The following MSRA variants were observed in gnomAD, a reference collection of about 807,000 sequenced individuals.
MSRA encodes the protein methionine sulfoxide reductase A.
A neutral mutation model predicts 31.3 loss-of-function variants in MSRA; 54 were observed. The ratio of observed to expected loss-of-function variants is 1.73; its 90% confidence interval spans 1.39 to 2.17. The LOEUF (loss-of-function observed/expected upper bound fraction) is 2.17, where lower values mean the gene tolerates loss of function less well. MSRA is among the 30% of genes most tolerant of loss of function. MSRA has a pLI of 0.00. For missense variants in MSRA, 507 were observed against 300.9 expected (o/e 1.69, Z -5.07); for synonymous variants, 169 against 116.5 (o/e 1.45, Z -2.90).
chr8:10,208,307 A>T (rs1246920206), intron 2 of MSRA, among the ~76,000 whole-genome samples: 1 of 151,982 alleles, frequency 6.6e-6, no homozygotes, highest in South Asian at 2.1e-4. Flanking sequence ...TAATTGAATG[A>T]TCTCTTCCTT....
chr8:10,187,847 A>G lies in MSRA; in HGVS notation c.143-19986A>G, dbSNP rs920340692. Among the ~76,000 whole-genome samples, 3 of 152,352 alleles carry G rather than the reference A, an allele frequency of 2.0e-5. No individual in the cohort carries two copies. The East Asian group carries it at 5.8e-4, about 29-fold the overall frequency. On this transcript the variant is annotated intron_variant, in intron 1 of 5. Coordinates refer to ENST00000317173, the MANE Select transcript of MSRA (RefSeq NM_012331.5). ...GTTCTGTTGTATAACAGAAAGAACT[A>G]TCAATTATTTGATCTTACAGTCATT... is the stretch of plus-strand genomic sequence containing the variant.
intron 5 of MSRA, among the ~76,000 whole-genome samples, chr8:10,330,766 G>T (rs1802648484): frequency 6.6e-6 from 1 of 151,934 alleles, no homozygotes; most frequent in Non-Finnish European, 1.5e-5. Context: ...GCTGTGCTTG[G>T]TACCTAGTGA....
chr8:10,205,299 A>G (rs145024474), intron 1 of MSRA, among the ~76,000 whole-genome samples: 11 of 152,216 alleles, frequency 7.2e-5, no homozygotes, highest in African/African-American at 2.4e-4. Flanking sequence ...CGGTAATGAA[A>G]AAAAGAAGTG....
At chr8:10,056,903 A>G (rs776279203) in intron 1 of MSRA, among the ~76,000 whole-genome samples, 23 of 152,220 alleles carry the variant, frequency 1.5e-4, no homozygotes, top group Non-Finnish European at 2.8e-4. Context: ...TTTTGACTGC[A>G]GAAGGCCTGT....
chr8:10,105,685 C>T (rs1403296923), intron 1 of MSRA, among the ~76,000 whole-genome samples: 1 of 152,138 alleles, frequency 6.6e-6, no homozygotes, highest in Non-Finnish European at 1.5e-5. Context: ...CTTTCTCCTT[C>T]CCCTAACCAG....
chr8:10,257,577 T>G (rs760617228), intron 3 of MSRA, among the ~76,000 whole-genome samples: 2 of 152,088 alleles, frequency 1.3e-5, no homozygotes, highest in East Asian at 1.9e-4. Context: ...CAAGTAGTTT[T>G]TTGTATTTTT....
At chr8:10,281,956 C>T (rs1799646188) in intron 3 of MSRA, among the ~76,000 whole-genome samples, 1 of 152,070 alleles carries the variant, frequency 6.6e-6, no homozygotes, top group African/African-American at 2.4e-5. Flanking sequence ...GCAGGTTTTT[C>T]AGGCTGCTCT....
chr8:10,192,983 T>C (rs1436865940), intron 1 of MSRA, among the ~76,000 whole-genome samples: 1 of 152,224 alleles, frequency 6.6e-6, no homozygotes, highest in East Asian at 1.9e-4. Context: ...AGAAACCTTC[T>C]CAACAATAGT....
At chr8:10,325,890 T>G (rs765146625) in intron 5 of MSRA, among the ~76,000 whole-genome samples, 23 of 152,004 alleles carry the variant, frequency 1.5e-4, no homozygotes, top group Non-Finnish European at 2.5e-4. Context: ...ACCACAGAGG[T>G]GTTTAAGGTA....
intron 1 of MSRA, among the ~76,000 whole-genome samples, chr8:10,193,964 A>C (rs1807750894): frequency 6.6e-6 from 1 of 152,230 alleles, no homozygotes; most frequent in Non-Finnish European, 1.5e-5. Context: ...ATAACATTCC[A>C]ACAGCTTTTA....
chr8:10,343,857 A>G (rs763492889), intron 5 of MSRA, among the ~76,000 whole-genome samples: 3 of 152,204 alleles, frequency 2.0e-5, no homozygotes, highest in Non-Finnish European at 4.4e-5. Context: ...AAACAAAGAA[A>G]ATAATCAGCA....
intron 5 of MSRA, among the ~76,000 whole-genome samples, chr8:10,348,514 C>T (rs369638705): frequency 1.3e-4 from 19 of 151,764 alleles, no homozygotes; most frequent in East Asian, 3.9e-4. Flanking sequence ...GGACTACAAG[C>T]GTGCGCCACC....
chr8:10,275,594 A>G (rs1489336058), intron 3 of MSRA, among the ~76,000 whole-genome samples: 3 of 152,198 alleles, frequency 2.0e-5, no homozygotes. Flanking sequence ...GAACAGTCAT[A>G]GTAAAAAGCA....
intron 1 of MSRA, among the ~76,000 whole-genome samples, chr8:10,095,383 A>C (rs1799084489): frequency 1.3e-5 from 2 of 152,304 alleles, no homozygotes; most frequent in Admixed American, 1.3e-4. Flanking sequence ...GATTTGGCAG[A>C]AGTCGATGCT....
chr8:10,054,865 C>A (rs887829379), intron 1 of MSRA, among the ~76,000 whole-genome samples: 3 of 152,170 alleles, frequency 2.0e-5, no homozygotes, highest in Non-Finnish European at 2.9e-5. Context: ...TTGTTTGGCT[C>A]GTCATCTTCT....
At chr8:10,176,759 A>C (rs1806088539) in intron 1 of MSRA, among the ~76,000 whole-genome samples, 2 of 152,186 alleles carry the variant, frequency 1.3e-5, no homozygotes, top group African/African-American at 2.4e-5. Context: ...TCAATGCTGG[A>C]ATGGGGGCTC....
At chr8:10,155,445 C>T (rs1804074190) in intron 1 of MSRA, among the ~76,000 whole-genome samples, 1 of 152,200 alleles carries the variant, frequency 6.6e-6, no homozygotes, top group Non-Finnish European at 1.5e-5. Context: ...TGTGCCATCC[C>T]AATACGCACA....
chr8:10,375,679 G>C (rs1038458992), intron 5 of MSRA, among the ~76,000 whole-genome samples: 14 of 152,192 alleles, frequency 9.2e-5, no homozygotes, highest in Admixed American at 2.0e-4. Context: ...CGCATCACCA[G>C]TGGAAATGGG....
At chr8:10,090,870 T>G (rs1798817891) in intron 1 of MSRA, among the ~76,000 whole-genome samples, 1 of 152,230 alleles carries the variant, frequency 6.6e-6, no homozygotes, top group Non-Finnish European at 1.5e-5. Flanking sequence ...CAGTGCTTCC[T>G]TCCTTTGTAT....
Sources: gnomAD v4.1 joint callset for allele counts (sites outside exome capture counted in the v4.1 genomes callset) on GRCh38, gnomAD v4.1.1 for gene constraint, MANE v1.5 for transcripts, NCBI Gene and HGNC (gene_info 2026-07-23, HGNC 2026-07-21) for gene names.